Variants in CAND1 observed in about 807,000 individuals in gnomAD.
The protein encoded by CAND1 is cullin-associated NEDD8-dissociated protein 1.
A neutral mutation model predicts 108.5 loss-of-function variants in CAND1; 7 were observed. The ratio of observed to expected loss-of-function variants is 0.06; its 90% CI spans 0.04 to 0.12. The LOEUF (loss-of-function observed/expected upper bound fraction) is 0.12, where lower values mean the gene tolerates loss of function less well. Among genes scored for constraint, CAND1 ranks in the 10% least tolerant of loss-of-function variants. The pLI is 1.00. For synonymous variants in CAND1, 534 were observed against 512.0 expected, an observed-to-expected ratio of 1.04 and a Z score of -0.58; for missense variants, 941 against 1,448.7, an observed-to-expected ratio of 0.65 and a Z score of 5.69.
At chr12:67,312,454 A>C in intron 14 of CAND1, 152 bp from the exon 15 acceptor site, 1 of 487,764 alleles carries the variant, frequency 2.1e-6, no homozygotes, top group Non-Finnish European at 3.6e-6. Flanking sequence ...AGCTACTTTA[A>C]AAATAAGTTT....
chr12:67,290,704 G>T (rs926208581), intron 2 of CAND1, among the ~76,000 whole-genome samples: 35 of 152,194 alleles, frequency 2.3e-4, no homozygotes, highest in African/African-American at 8.4e-4. Flanking sequence ...GAAGATAGGG[G>T]CCATACTGTC....
In CAND1 at chr12:67,282,838, G is replaced by C. The variant is rs75099997; in HGVS notation, c.212+785G>C. Among the ~76,000 whole-genome samples the C allele has an allele frequency of 2.7e-3, 405 of 152,288 alleles. 1 individual carries two copies. Among genetic ancestry groups the C allele is most frequent in the African/African-American group, 9.5e-3 (395 of 41,560 alleles). On this transcript the variant is annotated intron_variant, in intron 2 of 14. Transcript: ENST00000545606. ...GATAGTTACAGAGAGTCTTTTCTAA[G>C]AATTATGGAGATTCTGATTGTCTTT...
At chr12:67,289,746 A>G (rs569204351) in intron 2 of CAND1, among the ~76,000 whole-genome samples, 1 of 152,136 alleles carries the variant, frequency 6.6e-6, no homozygotes, top group Admixed American at 6.5e-5. Context: ...TTATTATTTT[A>G]TATTCGGTCT....
intron 11 of CAND1, 118 bp from the exon 12 acceptor site, chr12:67,309,783 A>T: frequency 1.4e-6 from 1 of 691,678 alleles, no homozygotes; most frequent in Non-Finnish European, 2.4e-6. Flanking sequence ...CCTGACCGTC[A>T]CTGAAGAAAT....
intron 6 of CAND1, 116 bp from the exon 7 acceptor site, chr12:67,298,834 A>G: frequency 1.5e-6 from 1 of 652,356 alleles, no homozygotes; most frequent in South Asian, 1.6e-5. Flanking sequence ...CATTGGTGCT[A>G]GATAGTCTGG....
In CAND1 at chr12:67,269,619, C is replaced by G; in HGVS notation, c.-99C>G. The G allele has an allele frequency of 4.7e-6, 5 of 1,064,742 alleles. No homozygotes were observed. Among genetic ancestry groups the G allele is most frequent in the Non-Finnish European group, 5.5e-6 (4 of 727,214 alleles). The allele number at this position is 1,064,742 out of a possible 1,614,324, so 66.0% of individuals were successfully genotyped here. On this transcript the variant is annotated 5_prime_UTR_variant, in exon 1 of 15. Coordinates refer to ENST00000545606, the MANE Select transcript of CAND1 (RefSeq NM_018448.5). ...CTGCGACCCTGGAAGCGGGAGCCGC[C>G]GCGAGCGAGAGGAGGAGCTCCAGTG... is the stretch of plus-strand genomic sequence containing the variant.
chr12:67,302,238 G>T, intron 7 of CAND1, 85 bp from the exon 8 acceptor site: 1 of 1,256,958 alleles, frequency 8.0e-7, no homozygotes, highest in Non-Finnish European at 1.1e-6. Flanking sequence ...AACTGATTTG[G>T]TTAAGAATAT....
intron 7 of CAND1, 134 bp from the exon 8 acceptor site, chr12:67,302,189 A>C (rs1056618461): frequency 1.5e-6 from 1 of 685,314 alleles, no homozygotes; most frequent in Non-Finnish European, 2.4e-6. Flanking sequence ...TTCTGTTGAA[A>C]CCTACCTGTT....
chr12:67,297,981 G>T, intron 6 of CAND1, 128 bp downstream of exon 6: 2 of 473,636 alleles, frequency 4.2e-6, no homozygotes, highest in Non-Finnish European at 3.7e-6. Flanking sequence ...TACAGTATTT[G>T]AAACTAATGT....
At chr12:67,309,529 T>C (rs1348971644) in intron 11 of CAND1, among the ~76,000 whole-genome samples, 1 of 152,034 alleles carries the variant, frequency 6.6e-6, no homozygotes, top group African/African-American at 2.4e-5. Context: ...ATATTTTTGT[T>C]GCTGCTTTTA....
chr12:67,279,989 A>C (rs1333984768), intron 1 of CAND1, among the ~76,000 whole-genome samples: 1 of 152,186 alleles, frequency 6.6e-6, no homozygotes, highest in African/African-American at 2.4e-5. Context: ...TGCCTGCATT[A>C]ATGTGTTATG....
intron 2 of CAND1, chr12:67,282,291 A>C (rs2044627003): frequency 6.1e-6 from 2 of 325,582 alleles, no homozygotes; most frequent in Non-Finnish European, 1.1e-5. Context: ...GCATGTAGGG[A>C]ACTCCAAAAA....
chr12:67,279,174 C>CA (rs3970784), intron 1 of CAND1, among the ~76,000 whole-genome samples: 101,738 of 140,030 alleles, frequency 0.73, 37,220 homozygotes, highest in African/African-American at 0.85. Context: ...TCCCCACCAC[C>CA]AAAAAAAAAA....
At chr12:67,295,457 AGTG>A (rs1200075847) in intron 4 of CAND1, among the ~76,000 whole-genome samples, 1 of 152,110 alleles carries the variant, frequency 6.6e-6, no homozygotes, top group African/African-American at 2.4e-5. Flanking sequence ...TCTTGCATTC[AGTG>A]GTGTATTTAG....
Position 67,273,479 on chromosome 12 carries a change from C to CTTT in CAND1, c.68+3710_68+3712dup, listed in dbSNP as rs535435592. ...TAGGTTGAGGTAACTAAGTTCTTTT[C>CTTT]TTTTTTTTTTTTTTTTTTAGAGATA... On this transcript the variant is annotated intron_variant, in intron 1 of 14. Transcript: ENST00000545606. Among the ~76,000 whole-genome samples the CTTT allele has an allele frequency of 1.0e-4, 13 of 130,598 alleles. No homozygotes were observed. In the East Asian group the frequency reaches 1.3e-3, roughly 13 times the overall value. The allele number at this position is 130,598 out of a possible 152,430, so 85.7% of individuals were successfully genotyped here. A position where few individuals can be genotyped will look rare whatever the true frequency, so the allele number is the denominator to read the frequency against.
At chr12:67,286,806 C>G (rs2044676295) in intron 2 of CAND1, among the ~76,000 whole-genome samples, 1 of 152,072 alleles carries the variant, frequency 6.6e-6, no homozygotes, top group Non-Finnish European at 1.5e-5. Flanking sequence ...GTTCTGTGAT[C>G]TATCTTGAAT....
At chr12:67,297,200 G>A in intron 4 of CAND1, 5 of 640,220 alleles carry the variant, frequency 7.8e-6, no homozygotes, top group Non-Finnish European at 1.4e-5. Context: ...GTTTGGCAAT[G>A]TAAATTTCAG....
In CAND1 at chr12:67,310,017, G is replaced by C. The variant is rs2044932456; in HGVS notation, c.3142G>C (p.Val1048Leu). ...ATTAATAAGGGATCTATTGGATACT[G>C]TTCTTCCACATCTTTACAATGAAAC... is the stretch of plus-strand genomic sequence containing the variant. ...PSLIRDLLDTVLPHLYNETKV... is the reference protein window; with the variant it reads ...PSLIRDLLDTLLPHLYNETKV... The change falls in exon 12 of 15, where the codon GTT becomes CTT. Residue 1048 changes from valine (V) to leucine (L), a missense_variant. By Grantham distance (32) the Val-to-Leu change is conservative. Around this residue, in one of 9 missense-constraint regions of CAND1, gnomAD observed 106 missense variants for 182.0 expected, o/e 0.58. Coordinates refer to ENST00000545606, the MANE Select transcript of CAND1 (RefSeq NM_018448.5). 1 of 1,612,164 alleles carries C rather than the reference G, an allele frequency of 6.2e-7. No homozygotes were observed. Among genetic ancestry groups the C allele is most frequent in the Non-Finnish European group, 8.5e-7 (1 of 1,178,648 alleles).
rs1330186396 is a variant in CAND1 at position 67,319,427 on chromosome 12, G to A, written c.*6597G>A. The A allele has an allele frequency of 1.3e-5, 2 of 152,190 alleles. No homozygotes were observed. Among genetic ancestry groups the A allele is most frequent in the East Asian group, 1.9e-4 (1 of 5,194 alleles). 9.4% of individuals were successfully genotyped at this position (152,190 alleles called of 1,614,324 possible). ...TAGCTGGCTGCTTTTCATCTTGTAG[G>A]TTAGGTCAAGGACTCCAGGAAGTCT... On this transcript the variant is annotated 3_prime_UTR_variant, in exon 15 of 15. Transcript: ENST00000545606.
Sources: gnomAD v4.1 joint callset for allele counts (sites outside exome capture counted in the v4.1 genomes callset) on GRCh38, gnomAD v4.1.1 for gene constraint, gnomAD v4.1.1 regional missense constraint, MANE v1.5 for transcripts, NCBI Gene and HGNC (gene_info 2026-07-23, HGNC 2026-07-21) for gene names.